TAF1B: variants seen among roughly 807,000 people sequenced by gnomAD.
TAF1B encodes TATA box-binding protein-associated factor RNA polymerase I subunit B.
Under a neutral mutation model 83.9 loss-of-function variants are expected in TAF1B, and 61 were observed. The observed-to-expected ratio is 0.73, with a 90% confidence interval of 0.59 to 0.90. The LOEUF (loss-of-function observed/expected upper bound fraction) is 0.90, where lower values mean the gene tolerates loss of function less well. Among genes scored for constraint, TAF1B ranks in the 40% least tolerant of loss-of-function variants. The pLI, the probability that TAF1B is intolerant of heterozygous loss-of-function variation, is 0.00. For missense variants in TAF1B, 625 were observed against 677.0 expected (o/e 0.92, Z 0.85); for synonymous variants, 221 against 224.6 (o/e 0.98, Z 0.14).
chr2:9,845,421 C>A, intron 2 of TAF1B, 103 bp downstream of exon 2: 2 of 852,240 alleles, frequency 2.3e-6, no homozygotes, highest in South Asian at 1.5e-5. Context: ...ATTTTTGTCA[C>A]TCATGCAATG....
chr2:9,852,035 A>G (rs1012661525), intron 4 of TAF1B: 5 of 472,682 alleles, frequency 1.1e-5, no homozygotes, highest in African/African-American at 4.0e-5. Context: ...AACGTCCATC[A>G]GGACTTGAGT....
intron 5 of TAF1B, among the ~76,000 whole-genome samples, chr2:9,861,455 G>A (rs1289470686): frequency 2.6e-5 from 4 of 152,232 alleles, no homozygotes; most frequent in Admixed American, 6.5e-5. Context: ...TGGGAAGCTC[G>A]AACTGGGTGG....
chr2:9,883,204 A>G (rs535606087), intron 8 of TAF1B, among the ~76,000 whole-genome samples: 2 of 152,330 alleles, frequency 1.3e-5, no homozygotes, highest in East Asian at 1.9e-4. Context: ...TAAAGGTACT[A>G]TTTTAAGTTC....
chr2:9,856,229 C>T (rs1366375434), intron 5 of TAF1B, among the ~76,000 whole-genome samples: 1 of 150,856 alleles, frequency 6.6e-6, no homozygotes, highest in Non-Finnish European at 1.5e-5. Flanking sequence ...TTAGAGTAGT[C>T]AAGTCGTACG....
At position 9,875,736 on chromosome 2, in the gene TAF1B, A is replaced by G. The variant is rs907450424; in HGVS notation, c.554-129A>G. ...GGAATTATGAGAACTACAGTTCAAG[A>G]TGAGATTTGGGTGAGGACACAGCCA... On this transcript the variant is annotated intron_variant, in intron 6 of 14. Transcript: ENST00000263663. 1.2e-5 allele frequency: 11 copies of G among 918,888 alleles called. No homozygotes were observed. The African/African-American group carries it at 1.3e-4, about 11-fold the overall frequency. The allele number at this position is 918,888 out of a possible 1,614,324, so 56.9% of individuals were successfully genotyped here. A position where few individuals can be genotyped will look rare whatever the true frequency, so the allele number is the denominator to read the frequency against.
chr2:9,901,458 A>G (rs1665176760), intron 8 of TAF1B, among the ~76,000 whole-genome samples: 1 of 152,200 alleles, frequency 6.6e-6, no homozygotes, highest in Admixed American at 6.5e-5. Flanking sequence ...GGAAGTTTTG[A>G]AAAGATGCTA....
chr2:9,912,432 A>G (rs2125173572), intron 11 of TAF1B, among the ~76,000 whole-genome samples: 1 of 152,268 alleles, frequency 6.6e-6, no homozygotes, highest in East Asian at 1.9e-4. Context: ...ATTGGAAGCA[A>G]TCAGTTTGTG....
Position 9,911,517 on chromosome 2 carries a change from G to A in TAF1B, c.1140G>A (p.Leu380=). ...FLLDDSFEWS[L]SNLAEKHNEK... is the part of the protein sequence containing the mutation. Reference sequence around the variant, plus strand: ...TGTTTATTGTTATCTCCAGGTCTTTGTCTAATCTTGCTGAAAAGCATAATG... The same window carrying A: ...TGTTTATTGTTATCTCCAGGTCTTTATCTAATCTTGCTGAAAAGCATAATG... Residue 380 remains leucine, a synonymous_variant, in exon 11 of 15, where the codon TTG becomes TTA. Transcript: ENST00000263663. 6.6e-7 allele frequency: 1 copy of A among 1,512,520 alleles called. No homozygotes were observed. The highest frequency in any genetic ancestry group is 8.9e-7 in the Non-Finnish European group (1 of 1,123,846). 93.7% of individuals were successfully genotyped at this position (1,512,520 alleles called of 1,614,324 possible). A position where few individuals can be genotyped will look rare whatever the true frequency, so the allele number is the denominator to read the frequency against.
intron 8 of TAF1B, among the ~76,000 whole-genome samples, chr2:9,896,397 A>G (rs751930121): frequency 3.3e-5 from 5 of 152,066 alleles, no homozygotes; most frequent in African/African-American, 4.8e-5. Flanking sequence ...CAAAGGAAGC[A>G]TTTTCTTCCC....
At position 9,908,028 on chromosome 2, in the gene TAF1B, CTTT is replaced by C. The variant is rs57261740; in HGVS notation, c.956-2675_956-2673del. 1.9e-3 allele frequency among the ~76,000 whole-genome samples: 139 copies of C among 71,580 alleles called. 1 individual carries two copies. The highest frequency in any genetic ancestry group is 9.1e-3 in the African/African-American group (114 of 12,538). 47.0% of individuals were successfully genotyped at this position (71,580 alleles called of 152,430 possible). ...AGCGGAGCAGTTCAAGATCTTAATT[CTTT>C]TTTTTTTTTTTTTTTTTTTTTTTTT... On this transcript the variant is annotated intron_variant, in intron 9 of 14. Coordinates refer to ENST00000263663, the MANE Select transcript of TAF1B (RefSeq NM_005680.3).
rs180789871 is a variant in TAF1B, at chr2:9,914,968, G to C, written c.1271+1719G>C. On this transcript the variant is annotated intron_variant, in intron 12 of 14. Coordinates refer to ENST00000263663, the MANE Select transcript of TAF1B (RefSeq NM_005680.3). The surrounding 1 kb of genome is among the most constrained non-coding windows in gnomAD (Gnocchi z 4.3). ...TGTTTCTCTGAATATTATCATCCATGTTGTCAGATGAAAATTATTAAAACA... is the reference window on the plus strand; with the variant it reads ...TGTTTCTCTGAATATTATCATCCATCTTGTCAGATGAAAATTATTAAAACA... Among the ~76,000 whole-genome samples, 4 of 152,236 alleles carry C rather than the reference G, an allele frequency of 2.6e-5. No individual in the cohort carries two copies. The highest frequency in any genetic ancestry group is 2.1e-4 in the South Asian group (1 of 4,820).
chr2:9,876,944 G>A (rs116288967), intron 7 of TAF1B, among the ~76,000 whole-genome samples: 2,287 of 152,226 alleles, frequency 0.015, 59 homozygotes, highest in African/African-American at 0.051. Flanking sequence ...CACCATCATC[G>A]TCATTATTGG....
chr2:9,876,929 A>G (rs1463443767), intron 7 of TAF1B, among the ~76,000 whole-genome samples: 1 of 152,202 alleles, frequency 6.6e-6, no homozygotes, highest in Non-Finnish European at 1.5e-5. Context: ...TGTTTTCATC[A>G]TCACCACCAT....
intron 5 of TAF1B, among the ~76,000 whole-genome samples, chr2:9,858,375 C>T (rs1179478131): frequency 6.6e-6 from 1 of 152,206 alleles, no homozygotes; most frequent in Non-Finnish European, 1.5e-5. Context: ...CAGGGTACAG[C>T]CCCCAAGGCT....
chr2:9,888,109 G>T (rs1283590577), intron 8 of TAF1B, among the ~76,000 whole-genome samples: 1 of 152,108 alleles, frequency 6.6e-6, no homozygotes. Flanking sequence ...TATCTCCACT[G>T]TTGATTTATT....
At chr2:9,876,712 T>A (rs1447468389) in intron 7 of TAF1B, among the ~76,000 whole-genome samples, 2 of 152,246 alleles carry the variant, frequency 1.3e-5, no homozygotes, top group Non-Finnish European at 2.9e-5. Context: ...CTGCTGGGTT[T>A]GAATCCTGGC....
At chr2:9,867,196 C>G (rs894397993) in intron 5 of TAF1B, among the ~76,000 whole-genome samples, 1 of 151,638 alleles carries the variant, frequency 6.6e-6, no homozygotes. Flanking sequence ...AGATGTGAAT[C>G]TTTGAACAGA....
rs1413781533 is a variant in TAF1B, at chr2:9,875,973, CCTTA to C, written c.666_669del (p.Leu222PhefsTer7). On this transcript the variant is annotated frameshift_variant, in exon 7 of 15. Coordinates refer to ENST00000263663, the MANE Select transcript of TAF1B (RefSeq NM_005680.3). LOFTEE classifies it high-confidence loss of function. The stretch of plus-strand genomic sequence containing the variant: ...CAGACACTTGCCTTCTGTTATCTGT[CCTTA>C]CTTTGGCAGAGAGAAGCAATAACAC... The C allele has an allele frequency of 1.2e-6, 2 of 1,613,008 alleles. No homozygotes were observed. Among genetic ancestry groups the C allele is most frequent in the South Asian group, 1.1e-5 (1 of 90,942 alleles).
At chr2:9,888,779 T>A (rs1664761910) in intron 8 of TAF1B, among the ~76,000 whole-genome samples, 1 of 147,474 alleles carries the variant, frequency 6.8e-6, no homozygotes. Context: ...TCTTTATGTT[T>A]CTTCTGCTTG....
Sources: gnomAD v4.1 joint callset for allele counts (sites outside exome capture counted in the v4.1 genomes callset) on GRCh38, gnomAD v4.1.1 for gene constraint, Gnocchi (gnomAD v3.1) non-coding constraint, MANE v1.5 for transcripts, NCBI Gene and HGNC (gene_info 2026-07-23, HGNC 2026-07-21) for gene names.